Variants in RAB11FIP1 observed in about 807,000 individuals in gnomAD.
RAB11FIP1 encodes RAB11 family interacting protein 1.
Under a neutral mutation model 83.1 loss-of-function variants are expected in RAB11FIP1, and 49 were observed. The ratio of observed to expected loss-of-function variants is 0.59; its 90% CI spans 0.47 to 0.75. The LOEUF (loss-of-function observed/expected upper bound fraction) is 0.75, where lower values mean the gene tolerates loss of function less well. Among genes scored for constraint, RAB11FIP1 ranks in the 30% least tolerant of loss-of-function variants. RAB11FIP1 has a pLI of 0.00. For missense variants in RAB11FIP1, 1,536 were observed against 1,598.7 expected (o/e 0.96, Z 0.67); for synonymous variants, 670 against 656.0 (o/e 1.02, Z -0.33).
intron 5 of RAB11FIP1, among the ~76,000 whole-genome samples, chr8:37,869,287 A>T (rs1161051058): frequency 6.6e-6 from 1 of 151,062 alleles, no homozygotes; most frequent in Non-Finnish European, 1.5e-5. Flanking sequence ...AGGAGTATTT[A>T]GGGGTAAAAG....
At position 37,880,233 on chromosome 8, in the gene RAB11FIP1, G is replaced by A. The variant is rs1806706093; in HGVS notation, c.372-2682C>T. 2.0e-5 allele frequency among the ~76,000 whole-genome samples: 3 copies of A among 152,184 alleles called. No homozygotes were observed. In the East Asian group the frequency reaches 5.8e-4, roughly 30 times the overall value. ...AGTGCTTTGGGAGTCTGAGAGAGGAGGATTGGTTGGATCCAGGAGTTTGAG... is the reference window on the plus strand; with the variant it reads ...AGTGCTTTGGGAGTCTGAGAGAGGAAGATTGGTTGGATCCAGGAGTTTGAG... On this transcript the variant is annotated intron_variant, in intron 1 of 5. Transcript: ENST00000330843.
At chr8:37,864,141 G>A (rs533141521) in intron 5 of RAB11FIP1, among the ~76,000 whole-genome samples, 1 of 152,352 alleles carries the variant, frequency 6.6e-6, no homozygotes, top group East Asian at 1.9e-4. Flanking sequence ...CTCACCCGTG[G>A]CCGTCTAGGC....
chr8:37,886,339 T>A lies in RAB11FIP1; in HGVS notation c.372-8788A>T, dbSNP rs560619418. On this transcript the variant is annotated intron_variant, in intron 1 of 5. Coordinates refer to ENST00000330843, the MANE Select transcript of RAB11FIP1 (RefSeq NM_001002814.3). Reference sequence around the variant, plus strand: ...AATTTCATCACAATAATGACTCACATACAAATAAGGTTTCAGGTCATTTAA... The same window carrying A: ...AATTTCATCACAATAATGACTCACAAACAAATAAGGTTTCAGGTCATTTAA... Among the ~76,000 whole-genome samples the A allele has an allele frequency of 2.0e-5, 3 of 152,264 alleles. No homozygotes were observed. In the South Asian group the frequency reaches 6.2e-4, roughly 32 times the overall value.
chr8:37,878,810 G>C (rs899057336), intron 1 of RAB11FIP1, among the ~76,000 whole-genome samples: 13 of 151,476 alleles, frequency 8.6e-5, no homozygotes, highest in African/African-American at 3.2e-4. Flanking sequence ...GACCAGCCTG[G>C]GCAATATTGC....
chr8:37,867,997 G>A (rs1563365544), intron 5 of RAB11FIP1, among the ~76,000 whole-genome samples: 8 of 152,128 alleles, frequency 5.3e-5, no homozygotes, highest in South Asian at 4.1e-4. Flanking sequence ...TGTAGTCCCC[G>A]CTACTTGGGA....
intron 5 of RAB11FIP1, among the ~76,000 whole-genome samples, chr8:37,865,377 T>C (rs1197049301): frequency 6.6e-6 from 1 of 151,318 alleles, no homozygotes; most frequent in African/African-American, 2.4e-5. Context: ...TGGAGTGCAG[T>C]GACACGATCT....
At position 37,859,725 on chromosome 8, in the gene RAB11FIP1, C is replaced by A. The variant is rs1342543005; in HGVS notation, c.*3170G>T. 3 of 152,244 alleles carry A rather than the reference C, an allele frequency of 2.0e-5. No homozygotes were observed. The highest frequency in any genetic ancestry group is 6.5e-5 in the Admixed American group (1 of 15,278). 9.4% of individuals were successfully genotyped at this position (152,244 alleles called of 1,614,324 possible). On this transcript the variant is annotated 3_prime_UTR_variant, in exon 6 of 6. Coordinates refer to ENST00000330843, the MANE Select transcript of RAB11FIP1 (RefSeq NM_001002814.3). Reference sequence around the variant, plus strand: ...GTCCTGACTGCTCTTTCTGAGGCAGCCAGGCTAGGCCAAGAAATGAGCTGC... The same window carrying A: ...GTCCTGACTGCTCTTTCTGAGGCAGACAGGCTAGGCCAAGAAATGAGCTGC...
intron 5 of RAB11FIP1, among the ~76,000 whole-genome samples, chr8:37,866,049 A>G (rs144754363): frequency 8.9e-4 from 135 of 152,262 alleles, no homozygotes; most frequent in African/African-American, 3.1e-3. Context: ...AAAATTATAA[A>G]ACAGGGCCAG....
In RAB11FIP1 at chr8:37,877,226, G is replaced by A; in HGVS notation, c.697C>T (p.Gln233Ter). The change falls in exon 2 of 6, where the codon CAG becomes TAG. Residue 233 changes from glutamine (Q) to a stop codon, truncating the protein, a stop_gained. Transcript: ENST00000330843. LOFTEE classifies it high-confidence loss of function. ...KSNLQKTPLS[Q>*]SMSVLPTSKP... is the part of the protein sequence containing the mutation. Reference sequence around the variant, plus strand: ...GAAGTCGGCAGGACAGACATGGACTGGGAAAGAGGCGTCTTCTGCAAATTT... The same window carrying A: ...GAAGTCGGCAGGACAGACATGGACTAGGAAAGAGGCGTCTTCTGCAAATTT... The A allele has an allele frequency of 1.2e-6, 2 of 1,614,098 alleles. No homozygotes were observed. Among genetic ancestry groups the A allele is most frequent in the Non-Finnish European group, 1.7e-6 (2 of 1,179,962 alleles).
chr8:37,897,966 G>C (rs1807125722), intron 1 of RAB11FIP1, among the ~76,000 whole-genome samples: 1 of 152,214 alleles, frequency 6.6e-6, no homozygotes, highest in South Asian at 2.1e-4. Context: ...TTAGCCTTTA[G>C]GGTGGGGGTG....
chr8:37,872,920 G>T lies in RAB11FIP1; in HGVS notation c.1882C>A (p.Pro628Thr). 6.2e-7 allele frequency: 1 copy of T among 1,614,212 alleles called. No individual in the cohort carries two copies. The highest frequency in any genetic ancestry group is 1.7e-4 in the Middle Eastern group (1 of 6,054). The change falls in exon 4 of 6, where the codon CCA becomes ACA. Residue 628 changes from proline to threonine, a missense_variant. Transcript: ENST00000330843. ...AACTCTGCCTTAGGGAGCAAGGGTG[G>T]TCCTTCAGACTTGGCCTGGCCCCTG... The part of the protein sequence containing the change: ...VDRGQAKSEG[P>T]PLLPKAELQT...
In RAB11FIP1 at chr8:37,859,109, C is replaced by T. The variant is rs979623348; in HGVS notation, c.*3786G>A. 2.0e-5 allele frequency: 3 copies of T among 151,888 alleles called. No individual in the cohort carries two copies. The highest frequency in any genetic ancestry group is 4.4e-5 in the Non-Finnish European group (3 of 68,018). The allele number at this position is 151,888 out of a possible 1,614,324, so 9.4% of individuals were successfully genotyped here. A position where few individuals can be genotyped will look rare whatever the true frequency, so the allele number is the denominator to read the frequency against. On this transcript the variant is annotated 3_prime_UTR_variant, in exon 6 of 6. Transcript: ENST00000330843. ...CGATCCTTCAGTTGGAGGAAGAGGG[C>T]GTCAGTTAAGTAGCTCACACAGTAG...
At chr8:37,869,997 C>A (rs377412883) in intron 5 of RAB11FIP1, among the ~76,000 whole-genome samples, 1 of 152,040 alleles carries the variant, frequency 6.6e-6, no homozygotes, top group African/African-American at 2.4e-5. Context: ...AAAGAAAATA[C>A]CTGACCTGAA....
intron 1 of RAB11FIP1, among the ~76,000 whole-genome samples, chr8:37,889,193 G>A (rs981427555): frequency 5.9e-5 from 9 of 152,200 alleles, no homozygotes; most frequent in African/African-American, 1.7e-4. Context: ...GAGGGCCCTC[G>A]AACTCTCAGA....
chr8:37,863,127 GA>G lies in RAB11FIP1; in HGVS notation c.3634-15del, dbSNP rs771291690. The G allele has an allele frequency of 6.3e-7, 1 of 1,599,208 alleles. No individual in the cohort carries two copies. Among genetic ancestry groups the G allele is most frequent in the Admixed American group, 1.7e-5 (1 of 59,246 alleles). On this transcript the variant is annotated splice_polypyrimidine_tract_variant and intron_variant, in intron 5 of 5. Coordinates refer to ENST00000330843, the MANE Select transcript of RAB11FIP1 (RefSeq NM_001002814.3). ...GGGGCTGTATTTCTTTGGAGGGGGG[GA>G]AATAGTTGGGAAAAAGGAGTTATAA... is the stretch of plus-strand genomic sequence containing the variant.
At position 37,861,725 on chromosome 8, in the gene RAB11FIP1, A is replaced by G; in HGVS notation, c.*1170T>C. On this transcript the variant is annotated 3_prime_UTR_variant, in exon 6 of 6. Coordinates refer to ENST00000330843, the MANE Select transcript of RAB11FIP1 (RefSeq NM_001002814.3). ...TGCCCCAGCCTCCCGAGTAGCTGGG[A>G]TTACAGGCACGCACCACCATGCCAA... The G allele has an allele frequency of 2.7e-6, 1 of 372,580 alleles. No individual in the cohort carries two copies. The highest frequency in any genetic ancestry group is 5.2e-6 in the Non-Finnish European group (1 of 193,720). The allele number at this position is 372,580 out of a possible 1,614,324, so 23.1% of individuals were successfully genotyped here.
chr8:37,899,038 A>G lies in RAB11FIP1; in HGVS notation c.371+33T>C. On this transcript the variant is annotated intron_variant, in intron 1 of 5. Coordinates refer to ENST00000330843, the MANE Select transcript of RAB11FIP1 (RefSeq NM_001002814.3). This position sits in a 1 kb window ranked among gnomAD's most constrained non-coding sequence, Gnocchi z 4.5. ...CCCTGCCGGAGGGGTCCGCGCCCCC[A>G]GGCCGGGCCCTCCCCTCCCCGCCCG... 2 of 1,436,852 alleles carry G rather than the reference A, an allele frequency of 1.4e-6. No homozygotes were observed. Among genetic ancestry groups the G allele is most frequent in the Non-Finnish European group, 1.8e-6 (2 of 1,105,020 alleles). The allele number at this position is 1,436,852 out of a possible 1,614,324, so 89.0% of individuals were successfully genotyped here. A position where few individuals can be genotyped will look rare whatever the true frequency, so the allele number is the denominator to read the frequency against.
Position 37,874,764 on chromosome 8 carries a change from AC to A in RAB11FIP1, c.1372del (p.Val458SerfsTer10). The A allele has an allele frequency of 6.2e-7, 1 of 1,614,040 alleles. No individual in the cohort carries two copies. The highest frequency in any genetic ancestry group is 8.5e-7 in the Non-Finnish European group (1 of 1,180,000). On this transcript the variant is annotated frameshift_variant, in exon 3 of 6. Coordinates refer to ENST00000330843, the MANE Select transcript of RAB11FIP1 (RefSeq NM_001002814.3). LOFTEE classifies it high-confidence loss of function. ...KGSEGENPLT[V>X]PGREKEGMLM... Reference sequence around the variant, plus strand: ...CATGCCTTCCTTCTCCCTCCCTGGGACCGTGAGAGGGTTTTCACCTTCACTG... The same window carrying A: ...CATGCCTTCCTTCTCCCTCCCTGGGACGTGAGAGGGTTTTCACCTTCACTG...
rs1806568650 is a variant in RAB11FIP1, at chr8:37,874,759, C to T, written c.1378G>A (p.Gly460Arg). The T allele has an allele frequency of 1.2e-6, 2 of 1,614,104 alleles. No individual in the cohort carries two copies. The highest frequency in any genetic ancestry group is 2.7e-5 in the African/African-American group (2 of 74,926). Residue 460 changes from glycine to arginine, a missense_variant, in exon 3 of 6, where the codon GGG becomes AGG. Physicochemically the swap from Gly to Arg is moderately radical, Grantham distance 125. Coordinates refer to ENST00000330843, the MANE Select transcript of RAB11FIP1 (RefSeq NM_001002814.3). ...ATCAGCATGCCTTCCTTCTCCCTCC[C>T]TGGGACCGTGAGAGGGTTTTCACCT... is the stretch of plus-strand genomic sequence containing the variant. ...SEGENPLTVP[G>R]REKEGMLMGV...
Sources: gnomAD v4.1 joint callset for allele counts (sites outside exome capture counted in the v4.1 genomes callset) on GRCh38, gnomAD v4.1.1 for gene constraint, Gnocchi (gnomAD v3.1) non-coding constraint, MANE v1.5 for transcripts, NCBI Gene and HGNC (gene_info 2026-07-23, HGNC 2026-07-21) for gene names.